Variants in CDIN1 observed in about 807,000 individuals in gnomAD.
The protein encoded by CDIN1 is CDAN1 interacting nuclease 1.
CDIN1 carries 33 observed loss-of-function variants against 45.3 expected under a neutral mutation model. The ratio of observed to expected loss-of-function variants is 0.73; its 90% CI spans 0.55 to 0.97. CDIN1 has a LOEUF of 0.97. Ranked by LOEUF, CDIN1 falls within the 50% of genes least tolerant of loss-of-function variation. The pLI, the probability that CDIN1 is intolerant of heterozygous loss-of-function variation, is 0.00. For synonymous variants in CDIN1, 118 were observed against 124.4 expected (o/e 0.95, Z 0.34); for missense variants, 303 against 339.4 (o/e 0.89, Z 0.84).
At chr15:36,683,200 T>C (rs919907496) in intron 5 of CDIN1, among the ~76,000 whole-genome samples, 26 of 152,170 alleles carry the variant, frequency 1.7e-4, no homozygotes, top group African/African-American at 6.3e-4. Flanking sequence ...CTAGGGTTTT[T>C]ATGGTTTTAG....
chr15:36,706,721 A>G (rs1249702841), intron 8 of CDIN1: 1 of 152,192 alleles, frequency 6.6e-6, no homozygotes, highest in African/African-American at 2.4e-5. Context: ...TCAGATGAAC[A>G]TGTAGAACAG....
chr15:36,738,649 G>A (rs761738220), intron 10 of CDIN1, among the ~76,000 whole-genome samples: 5 of 152,064 alleles, frequency 3.3e-5, no homozygotes, highest in Non-Finnish European at 7.3e-5. Flanking sequence ...CTGTCCTGAG[G>A]TACATACGTA....
At chr15:36,732,201 G>T (rs1339832277) in intron 10 of CDIN1, among the ~76,000 whole-genome samples, 1 of 152,078 alleles carries the variant, frequency 6.6e-6, no homozygotes, top group Non-Finnish European at 1.5e-5. Context: ...GCCCAATGCT[G>T]CACTTTCTTC....
chr15:36,642,250 A>G (rs1317773738), intron 1 of CDIN1, among the ~76,000 whole-genome samples: 2 of 152,064 alleles, frequency 1.3e-5, no homozygotes, highest in Non-Finnish European at 2.9e-5. Context: ...TGGTCAGAAC[A>G]CTCTTCTATA....
At chr15:36,660,391 A>G (rs1472002316) in intron 5 of CDIN1, among the ~76,000 whole-genome samples, 1 of 152,052 alleles carries the variant, frequency 6.6e-6, no homozygotes, top group Non-Finnish European at 1.5e-5. Context: ...AAAAAATCCT[A>G]TTCTTTTGGG....
intron 10 of CDIN1, among the ~76,000 whole-genome samples, chr15:36,713,059 TAAAG>T (rs2043110724): frequency 6.6e-6 from 1 of 152,192 alleles, no homozygotes; most frequent in Admixed American, 6.5e-5. Context: ...TGATGACTTA[TAAAG>T]AAAGAAACCA....
At chr15:36,681,972 C>A (rs181569860) in intron 5 of CDIN1, among the ~76,000 whole-genome samples, 34 of 152,004 alleles carry the variant, frequency 2.2e-4, no homozygotes, top group Admixed American at 7.2e-4. Flanking sequence ...AAAGGAAATA[C>A]GGCAAATGTG....
At chr15:36,642,983 G>A (rs2140399874) in intron 1 of CDIN1, among the ~76,000 whole-genome samples, 1 of 152,248 alleles carries the variant, frequency 6.6e-6, no homozygotes. Context: ...ACTAGGGTAT[G>A]TGATTTGGAT....
chr15:36,676,658 G>A (rs993912474), intron 5 of CDIN1, among the ~76,000 whole-genome samples: 7 of 151,996 alleles, frequency 4.6e-5, no homozygotes, highest in Non-Finnish European at 7.4e-5. Context: ...AGTAAATTTC[G>A]GTAGGTCTTT....
At chr15:36,766,829 T>C (rs767019720) in intron 10 of CDIN1, among the ~76,000 whole-genome samples, 1 of 152,238 alleles carries the variant, frequency 6.6e-6, no homozygotes, top group Non-Finnish European at 1.5e-5. Flanking sequence ...ATTAACCCCT[T>C]CTTAGATATA....
chr15:36,719,759 T>G (rs1463309007), intron 10 of CDIN1, among the ~76,000 whole-genome samples: 1 of 152,128 alleles, frequency 6.6e-6, no homozygotes, highest in African/African-American at 2.4e-5. Context: ...CCTGTGGTAT[T>G]TTTTTGGTGA....
intron 8 of CDIN1, chr15:36,706,589 G>T (rs2042873718): frequency 1.3e-5 from 2 of 151,568 alleles, no homozygotes; most frequent in African/African-American, 2.4e-5. Context: ...CTCCCACATG[G>T]GCGACAGAGC....
chr15:36,785,043 G>A (rs560156038), intron 10 of CDIN1, among the ~76,000 whole-genome samples: 3 of 152,280 alleles, frequency 2.0e-5, no homozygotes, highest in African/African-American at 7.2e-5. Flanking sequence ...TCAGATGTCA[G>A]GGTGCTGCCC....
At chr15:36,586,645 A>C (rs2037313869) in intron 1 of CDIN1, among the ~76,000 whole-genome samples, 1 of 152,214 alleles carries the variant, frequency 6.6e-6, no homozygotes, top group African/African-American at 2.4e-5. Flanking sequence ...CAGGAGGCTG[A>C]GATGTGAGGA....
intron 1 of CDIN1, among the ~76,000 whole-genome samples, chr15:36,632,624 C>G (rs914432903): frequency 6.6e-6 from 1 of 152,194 alleles, no homozygotes; most frequent in Non-Finnish European, 1.5e-5. Context: ...GTGGGATCCC[C>G]CATGCATATG....
At chr15:36,725,220 T>G (rs868639956) in intron 10 of CDIN1, among the ~76,000 whole-genome samples, 3 of 152,096 alleles carry the variant, frequency 2.0e-5, no homozygotes, top group Middle Eastern at 3.4e-3. Flanking sequence ...CCTTCACAGA[T>G]AAACACACTC....
intron 10 of CDIN1, among the ~76,000 whole-genome samples, chr15:36,766,908 G>T (rs1450099426): frequency 6.6e-6 from 1 of 152,060 alleles, no homozygotes; most frequent in African/African-American, 2.4e-5. Context: ...TGTTTTTTGT[G>T]TGTTTTTGCT....
intron 10 of CDIN1, among the ~76,000 whole-genome samples, 174 bp from the exon 11 acceptor site, chr15:36,808,150 T>C (rs910701038): frequency 4.6e-5 from 7 of 152,162 alleles, no homozygotes; most frequent in Admixed American, 4.6e-4. Context: ...GTAGTATGTG[T>C]GTTATGTGAA....
At chr15:36,760,725 G>T (rs1349748965) in intron 10 of CDIN1, among the ~76,000 whole-genome samples, 1 of 152,134 alleles carries the variant, frequency 6.6e-6, no homozygotes, top group Non-Finnish European at 1.5e-5. Flanking sequence ...TGGTGGTGGT[G>T]GTGCTGGTGG....
Sources: allele counts gnomAD v4.1 joint callset (sites outside exome capture counted in the v4.1 genomes callset), GRCh38; gene constraint gnomAD v4.1.1; transcripts MANE v1.5; gene names NCBI Gene and HGNC (gene_info 2026-07-23, HGNC 2026-07-21).